HMCN1: variants seen among roughly 807,000 people sequenced by gnomAD.
HMCN1 encodes the protein hemicentin 1, also known as hemicentin-1.
A neutral mutation model predicts 625.9 loss-of-function variants in HMCN1; 321 were observed. The observed-to-expected ratio is 0.51, with a 90% CI of 0.47 to 0.56. The LOEUF (loss-of-function observed/expected upper bound fraction) is 0.56. Among genes scored for constraint, HMCN1 ranks in the 20% least tolerant of loss-of-function variants. HMCN1 has a pLI of 0.00. For missense variants in HMCN1, 6,588 were observed against 6,887.3 expected (o/e 0.96, Z 1.54); for synonymous variants, 2,425 against 2,417.6 (o/e 1.00, Z -0.09).
chr1:185,858,376 A>G (rs1432757585), intron 2 of HMCN1, among the ~76,000 whole-genome samples: 1 of 151,920 alleles, frequency 6.6e-6, no homozygotes, highest in African/African-American at 2.4e-5. Context: ...TCTATTTGGT[A>G]TTCAGGTCAA....
At position 186,037,930 on chromosome 1, in the gene HMCN1, G is replaced by T. The variant is rs530307991; in HGVS notation, c.5750-4G>T. On this transcript the variant is annotated splice_region_variant and splice_polypyrimidine_tract_variant and intron_variant, in intron 36 of 106. Transcript: ENST00000271588. ...AAATAATTATCTGTTTGGGCCTCTT[G>T]TAGAACCACCTAGTCTGGAAGATGC... The T allele has an allele frequency of 6.3e-7, 1 of 1,578,254 alleles. No homozygotes were observed. Among genetic ancestry groups the T allele is most frequent in the Non-Finnish European group, 8.7e-7 (1 of 1,147,466 alleles).
intron 102 of HMCN1, 77 bp from the exon 103 acceptor site, chr1:186,174,437 C>T (rs1319501543): frequency 2.6e-6 from 4 of 1,555,476 alleles, no homozygotes; most frequent in Non-Finnish European, 3.5e-6. Context: ...GGCAATTCTA[C>T]AGAATGCTGA....
intron 105 of HMCN1, among the ~76,000 whole-genome samples, chr1:186,184,260 A>G (rs570821183): frequency 2.7e-4 from 41 of 152,354 alleles, no homozygotes; most frequent in African/African-American, 8.7e-4. Context: ...CTTTGCCCTG[A>G]AGAATAACTT....
chr1:186,098,251 C>T (rs996812489), intron 68 of HMCN1, among the ~76,000 whole-genome samples: 1 of 151,982 alleles, frequency 6.6e-6, no homozygotes, highest in Admixed American at 6.6e-5. Flanking sequence ...AAACATTCAA[C>T]AAAGTGAAGA....
intron 4 of HMCN1, among the ~76,000 whole-genome samples, chr1:185,887,207 T>C (rs1327819436): frequency 6.6e-6 from 1 of 152,158 alleles, no homozygotes; most frequent in African/African-American, 2.4e-5. Context: ...TTACTATTTC[T>C]TCAGAAAATA....
Position 186,144,793 on chromosome 1 carries a change from G to C in HMCN1, c.14266+90G>C, listed in dbSNP as rs6693278. The C allele has an allele frequency of 5.9e-3, 8,770 of 1,486,874 alleles. 444 individuals carry two copies. In the African/African-American group the frequency reaches 0.11, roughly 18 times the overall value. 92.1% of individuals were successfully genotyped at this position (1,486,874 alleles called of 1,614,324 possible). ...TTAAAGTTGCAATATTCCGTTATTT[G>C]GTTCTTCAACCTTTGGTTTAGGATG... On this transcript the variant is annotated intron_variant, in intron 91 of 106. Transcript: ENST00000271588.
chr1:186,140,705 T>C (rs2102544616), intron 89 of HMCN1, among the ~76,000 whole-genome samples: 1 of 152,298 alleles, frequency 6.6e-6, no homozygotes, highest in Non-Finnish European at 1.5e-5. Context: ...ATTACTATGA[T>C]TTTTGCAAAA....
At chr1:186,021,865 T>C (rs1414391934) in intron 35 of HMCN1, among the ~76,000 whole-genome samples, 1 of 151,670 alleles carries the variant, frequency 6.6e-6, no homozygotes, top group Non-Finnish European at 1.5e-5. Context: ...GCTGGGGAGG[T>C]TGGAGACACT....
intron 4 of HMCN1, among the ~76,000 whole-genome samples, chr1:185,874,313 A>G (rs1663802701): frequency 6.6e-6 from 1 of 152,032 alleles, no homozygotes; most frequent in Admixed American, 6.5e-5. Context: ...ACCTAAAAAT[A>G]TTCGTCAAGG....
chr1:185,893,086 G>A (rs181680119), intron 4 of HMCN1, among the ~76,000 whole-genome samples: 65 of 152,300 alleles, frequency 4.3e-4, no homozygotes, highest in Admixed American at 1.5e-3. Flanking sequence ...GGTGCCGTCC[G>A]TTACCCCTTT....
intron 1 of HMCN1, among the ~76,000 whole-genome samples, chr1:185,777,520 C>T (rs917174684): frequency 6.6e-6 from 1 of 151,922 alleles, no homozygotes; most frequent in Non-Finnish European, 1.5e-5. Context: ...GGCACGATCT[C>T]GCCTCACTAC....
intron 52 of HMCN1, among the ~76,000 whole-genome samples, chr1:186,073,702 C>T (rs1284205806): frequency 1.3e-5 from 2 of 151,196 alleles, no homozygotes; most frequent in African/African-American, 4.9e-5. Flanking sequence ...CAGATCTTCT[C>T]TGGGTAAGAA....
At chr1:186,171,276 C>A in intron 100 of HMCN1, 61 bp from the exon 101 acceptor site, 1 of 1,153,682 alleles carries the variant, frequency 8.7e-7, no homozygotes, top group Non-Finnish European at 1.3e-6. Context: ...AAATGTTAAA[C>A]ATTTGGGATA....
intron 4 of HMCN1, among the ~76,000 whole-genome samples, chr1:185,901,838 A>C (rs1665824290): frequency 6.6e-6 from 1 of 151,764 alleles, no homozygotes; most frequent in African/African-American, 2.4e-5. Flanking sequence ...GACTGTACTA[A>C]ATTGTTCTTT....
chr1:185,763,147 C>A (rs1655622361), intron 1 of HMCN1, among the ~76,000 whole-genome samples: 1 of 152,104 alleles, frequency 6.6e-6, no homozygotes, highest in African/African-American at 2.4e-5. Context: ...ATTCTATTTT[C>A]TGCGGCAAAA....
intron 4 of HMCN1, among the ~76,000 whole-genome samples, chr1:185,867,914 C>A (rs889577656): frequency 2.6e-5 from 4 of 151,880 alleles, no homozygotes; most frequent in Admixed American, 2.0e-4. Context: ...ACTAAAAATA[C>A]AAAAATTAGT....
intron 102 of HMCN1, among the ~76,000 whole-genome samples, chr1:186,172,859 A>G (rs1652318831): frequency 6.6e-6 from 1 of 152,234 alleles, no homozygotes; most frequent in East Asian, 1.9e-4. Context: ...ATGAAACACC[A>G]TAAAGAGGAA....
intron 84 of HMCN1, 148 bp from the exon 85 acceptor site, chr1:186,130,359 C>G: frequency 1.1e-6 from 1 of 887,626 alleles, no homozygotes. Context: ...GGTGATTTAG[C>G]ATGAAGAGTT....
intron 4 of HMCN1, among the ~76,000 whole-genome samples, chr1:185,879,673 G>A (rs774601464): frequency 6.6e-6 from 1 of 152,168 alleles, no homozygotes. Context: ...TTTTAGAGGA[G>A]CATCTGAGTA....
Sources: gnomAD v4.1 joint callset for allele counts (sites outside exome capture counted in the v4.1 genomes callset) on GRCh38, gnomAD v4.1.1 for gene constraint, MANE v1.5 for transcripts, NCBI Gene and HGNC (gene_info 2026-07-23, HGNC 2026-07-21) for gene names.